KCNH5: variants seen among roughly 807,000 people sequenced by gnomAD.
The protein encoded by KCNH5 is potassium voltage-gated channel subfamily H member 5.
Under a neutral mutation model 96.1 loss-of-function variants are expected in KCNH5, and 46 were observed. The observed-to-expected ratio is 0.48, with a 90% confidence interval of 0.38 to 0.61. KCNH5 has a LOEUF of 0.61. Ranked by LOEUF, KCNH5 falls within the 20% of genes least tolerant of loss-of-function variation. The pLI is 0.00. For missense variants in KCNH5, 907 were observed against 1,225.8 expected (o/e 0.74, Z 3.88); for synonymous variants, 439 against 449.8 (o/e 0.98, Z 0.30).
intron 7 of KCNH5, among the ~76,000 whole-genome samples, chr14:62,887,256 G>A (rs1458286095): frequency 6.6e-6 from 1 of 152,148 alleles, no homozygotes; most frequent in East Asian, 1.9e-4. Context: ...AGCAGGAAAT[G>A]ATACAAGCGA....
intron 7 of KCNH5, among the ~76,000 whole-genome samples, chr14:62,921,689 C>A (rs1443634917): frequency 6.6e-6 from 1 of 152,094 alleles, no homozygotes; most frequent in Non-Finnish European, 1.5e-5. Context: ...CACCCTGAAA[C>A]AACTTCCCAA....
intron 7 of KCNH5, among the ~76,000 whole-genome samples, chr14:62,919,451 TGC>T (rs1352061941): frequency 6.6e-6 from 1 of 152,160 alleles, no homozygotes; most frequent in Non-Finnish European, 1.5e-5. Flanking sequence ...ATTGGAACAT[TGC>T]AGAGATGATT....
At chr14:62,837,705 A>G (rs1178695516) in intron 8 of KCNH5, among the ~76,000 whole-genome samples, 1 of 152,218 alleles carries the variant, frequency 6.6e-6, no homozygotes, top group Non-Finnish European at 1.5e-5. Flanking sequence ...ATGGCTGAAT[A>G]AATGAACTAC....
At chr14:62,935,586 C>A (rs565977733) in intron 7 of KCNH5, among the ~76,000 whole-genome samples, 1 of 152,300 alleles carries the variant, frequency 6.6e-6, no homozygotes, top group South Asian at 2.1e-4. Context: ...GGCTTCTCTT[C>A]TTCCTCTTGG....
At chr14:62,989,868 T>C (rs1890777459) in intron 4 of KCNH5, among the ~76,000 whole-genome samples, 1 of 152,114 alleles carries the variant, frequency 6.6e-6, no homozygotes, top group Non-Finnish European at 1.5e-5. Context: ...GTAAAAGTGG[T>C]GAGGGCGTCT....
chr14:62,803,631 G>A (rs1159873245), intron 8 of KCNH5, among the ~76,000 whole-genome samples: 1 of 152,200 alleles, frequency 6.6e-6, no homozygotes, highest in Admixed American at 6.5e-5. Context: ...GCAAATGGCA[G>A]AAGTATGCTT....
intron 7 of KCNH5, among the ~76,000 whole-genome samples, chr14:62,944,892 G>T (rs7157913): frequency 0.019 from 2,865 of 152,162 alleles, 55 homozygotes; most frequent in East Asian, 0.079. Context: ...GCAAGAAGAT[G>T]TCAAAAATTG....
chr14:62,999,965 C>A (rs1352409068), intron 4 of KCNH5, among the ~76,000 whole-genome samples: 2 of 151,870 alleles, frequency 1.3e-5, no homozygotes, highest in African/African-American at 4.8e-5. Context: ...ATTTCCCAGG[C>A]ACTGAGTCTA....
chr14:62,740,245 T>C (rs1250059659), intron 10 of KCNH5, among the ~76,000 whole-genome samples: 1 of 152,152 alleles, frequency 6.6e-6, no homozygotes, highest in Non-Finnish European at 1.5e-5. Flanking sequence ...TTTGTGAGGG[T>C]ATATTTGATT....
intron 4 of KCNH5, among the ~76,000 whole-genome samples, chr14:62,997,353 G>T (rs1387249174): frequency 6.6e-6 from 1 of 152,150 alleles, no homozygotes; most frequent in African/African-American, 2.4e-5. Context: ...GCTTTATATA[G>T]ATGTTCCTTA....
intron 7 of KCNH5, among the ~76,000 whole-genome samples, chr14:62,940,056 A>G (rs1334558624): frequency 6.6e-6 from 1 of 152,212 alleles, no homozygotes; most frequent in Non-Finnish European, 1.5e-5. Context: ...CATAACTGAT[A>G]TAAATTCTTA....
At position 63,040,146 on chromosome 14, in the gene KCNH5, T is replaced by A. The variant is rs557602188; in HGVS notation, c.73+4968A>T. On this transcript the variant is annotated intron_variant, in intron 1 of 10. Transcript: ENST00000322893. Reference sequence around the variant, plus strand: ...TAAACTAAAGGGCTTCTTTAGGAAATCTACTCAGTCGCTATCAATTAAAAT... The same window carrying A: ...TAAACTAAAGGGCTTCTTTAGGAAAACTACTCAGTCGCTATCAATTAAAAT... Among the ~76,000 whole-genome samples the A allele has an allele frequency of 7.9e-5, 12 of 152,242 alleles. No individual in the cohort carries two copies. In the East Asian group the frequency reaches 1.9e-3, roughly 24 times the overall value.
intron 6 of KCNH5, among the ~76,000 whole-genome samples, chr14:62,963,433 G>A (rs1299043022): frequency 6.6e-6 from 1 of 152,002 alleles, no homozygotes; most frequent in Admixed American, 6.6e-5. Context: ...AAATGATTAT[G>A]GAGGCAGAGA....
intron 10 of KCNH5, among the ~76,000 whole-genome samples, chr14:62,735,811 A>G (rs1885144111): frequency 6.6e-6 from 1 of 152,198 alleles, no homozygotes; most frequent in South Asian, 2.1e-4. Context: ...ATTAGGATGG[A>G]CCCTAATCCA....
chr14:62,802,801 C>A (rs768297307), intron 8 of KCNH5, among the ~76,000 whole-genome samples: 1 of 152,120 alleles, frequency 6.6e-6, no homozygotes, highest in African/African-American at 2.4e-5. Context: ...CATGACAATG[C>A]AGAACTATGT....
intron 8 of KCNH5, among the ~76,000 whole-genome samples, chr14:62,834,349 A>G (rs1887422637): frequency 2.0e-5 from 3 of 152,050 alleles, no homozygotes; most frequent in Admixed American, 2.0e-4. Flanking sequence ...ATTCACGGAT[A>G]TAATAAATAT....
intron 2 of KCNH5, among the ~76,000 whole-genome samples, chr14:63,008,911 A>T (rs924206742): frequency 2.0e-5 from 3 of 152,154 alleles, no homozygotes; most frequent in Admixed American, 1.3e-4. Context: ...ATTTTTATAG[A>T]CAAGTGAAAT....
At chr14:62,782,766 G>C (rs1221190140) in intron 9 of KCNH5, among the ~76,000 whole-genome samples, 1 of 152,006 alleles carries the variant, frequency 6.6e-6, no homozygotes, top group African/African-American at 2.4e-5. Flanking sequence ...AGCTGAGATT[G>C]TGCCACTGCA....
At chr14:62,818,575 C>T (rs1243966295) in intron 8 of KCNH5, among the ~76,000 whole-genome samples, 1 of 152,056 alleles carries the variant, frequency 6.6e-6, no homozygotes, top group Non-Finnish European at 1.5e-5. Flanking sequence ...GTAGAAATGT[C>T]AAATAGCATA....
Sources: allele counts gnomAD v4.1 joint callset (sites outside exome capture counted in the v4.1 genomes callset), GRCh38; gene constraint gnomAD v4.1.1; transcripts MANE v1.5; gene names NCBI Gene and HGNC (gene_info 2026-07-23, HGNC 2026-07-21).